Variants in VAMP7 observed in about 807,000 individuals in gnomAD.
VAMP7 encodes vesicle-associated membrane protein 7.
A neutral mutation model predicts 29.6 loss-of-function variants in VAMP7; 14 were observed. That is an observed-to-expected ratio of 0.47 (90% CI 0.31 to 0.74). VAMP7 has a LOEUF of 0.74. Among genes scored for constraint, VAMP7 ranks in the 30% least tolerant of loss-of-function variants. VAMP7 has a pLI of 0.05. For missense variants in VAMP7, 223 were observed against 262.4 expected, an observed-to-expected ratio of 0.85 and a Z score of 1.04; for synonymous variants, 95 against 88.1, an observed-to-expected ratio of 1.08 and a Z score of -0.44.
chrX:155,919,881 G>C lies in VAMP7; in HGVS notation c.501+1G>C, dbSNP rs1159851181. The C allele has an allele frequency of 1.2e-6, 2 of 1,609,876 alleles. No homozygotes were observed. Among genetic ancestry groups the C allele is most frequent in the Non-Finnish European group, 1.7e-6 (2 of 1,176,724 alleles). ...CAAAACAGAAAATCTTGTGGATTCT[G>C]TAAGTATGGAATCTGATAATATGGA... On this transcript the variant is annotated splice_donor_variant, in intron 6 of 7. Transcript: ENST00000286448. LOFTEE classifies it high-confidence loss of function.
intron 2 of VAMP7, 99 bp from the exon 3 acceptor site, chrX:155,895,524 A>G: frequency 2.6e-6 from 2 of 775,856 alleles, no homozygotes; most frequent in Non-Finnish European, 4.5e-6. Flanking sequence ...TAATATGGTG[A>G]CATTGGCAGT....
intron 5 of VAMP7, among the ~76,000 whole-genome samples, chrX:155,912,372 T>C (rs2066249758): frequency 6.6e-6 from 1 of 152,170 alleles, no homozygotes; most frequent in African/African-American, 2.4e-5. Context: ...TCTTTTTTTA[T>C]TATTATACTT....
At chrX:155,932,109 A>T (rs1208533612) in intron 6 of VAMP7, among the ~76,000 whole-genome samples, 1 of 152,152 alleles carries the variant, frequency 6.6e-6, no homozygotes, top group Non-Finnish European at 1.5e-5. Flanking sequence ...TGGTTACTGT[A>T]GCCTTGCAGT....
At chrX:155,898,849 G>C (rs1050402854) in intron 4 of VAMP7, among the ~76,000 whole-genome samples, 2 of 151,994 alleles carry the variant, frequency 1.3e-5, no homozygotes, top group African/African-American at 4.8e-5. Context: ...AGAACTTTCT[G>C]TAAATAGAAT....
Position 155,909,464 on chromosome X carries a change from G to C in VAMP7, c.433+8877G>C, listed in dbSNP as rs185899032. On this transcript the variant is annotated intron_variant, in intron 5 of 7. Transcript: ENST00000286448. The stretch of plus-strand genomic sequence containing the variant: ...TAGATTTTTTTTCTATAGTTTTTCT[G>C]TTCTCTATTTAATTTGTTCACCCTA... Among the ~76,000 whole-genome samples, 281 of 151,902 alleles carry C rather than the reference G, an allele frequency of 1.8e-3. 1 individual carries two copies. The highest frequency in any genetic ancestry group is 6.6e-3 in the African/African-American group (275 of 41,402).
At chrX:155,917,879 C>T (rs1435549626) in intron 5 of VAMP7, among the ~76,000 whole-genome samples, 3 of 152,140 alleles carry the variant, frequency 2.0e-5, no homozygotes, top group South Asian at 2.1e-4. Context: ...CAGGCAGGAA[C>T]GTTTAAGTCT....
At chrX:155,903,351 A>G in intron 5 of VAMP7, among the ~76,000 whole-genome samples, 1 of 152,198 alleles carries the variant, frequency 6.6e-6, no homozygotes, top group Non-Finnish European at 1.5e-5. Context: ...CAAAATTGAC[A>G]AATGCGATCT....
At chrX:155,911,506 G>A (rs1264533635) in intron 5 of VAMP7, among the ~76,000 whole-genome samples, 1 of 152,026 alleles carries the variant, frequency 6.6e-6, no homozygotes, top group Non-Finnish European at 1.5e-5. Flanking sequence ...TTGGTACTTC[G>A]ATAGAGATTG....
chrX:155,908,398 A>G (rs1445049021), intron 5 of VAMP7, among the ~76,000 whole-genome samples: 2 of 152,322 alleles, frequency 1.3e-5, no homozygotes, highest in East Asian at 3.9e-4. Context: ...CTCCACCAAA[A>G]AAATACGAAA....
intron 5 of VAMP7, among the ~76,000 whole-genome samples, chrX:155,911,433 T>C (rs1569442878): frequency 6.6e-6 from 1 of 152,178 alleles, no homozygotes; most frequent in Non-Finnish European, 1.5e-5. Context: ...CTATTTGGAC[T>C]CTTTTTTGGT....
intron 6 of VAMP7, among the ~76,000 whole-genome samples, chrX:155,922,962 CTA>C (rs1381484685): frequency 6.6e-6 from 1 of 151,898 alleles, no homozygotes; most frequent in Non-Finnish European, 1.5e-5. Context: ...AGTTTATTAG[CTA>C]TAGCTCCATT....
At position 155,943,653 on chromosome X, in the gene VAMP7, A is replaced by G. The variant is rs1301011593; in HGVS notation, c.*1702A>G. ...AATTGATGTGCATGTTTTAGGGATC[A>G]ATTACCTAACTGTTCCTTGGTCTAT... is the stretch of plus-strand genomic sequence containing the variant. On this transcript the variant is annotated 3_prime_UTR_variant, in exon 8 of 8. Coordinates refer to ENST00000286448, the MANE Select transcript of VAMP7 (RefSeq NM_005638.6). The G allele has an allele frequency of 6.6e-6, 1 of 152,170 alleles. No individual in the cohort carries two copies. The highest frequency in any genetic ancestry group is 1.9e-4 in the East Asian group (1 of 5,192). 9.4% of individuals were successfully genotyped at this position (152,170 alleles called of 1,614,324 possible).
At chrX:155,918,474 G>A (rs1157228356) in intron 5 of VAMP7, among the ~76,000 whole-genome samples, 2 of 152,138 alleles carry the variant, frequency 1.3e-5, no homozygotes, top group Admixed American at 6.5e-5. Flanking sequence ...TGCAGATTGC[G>A]AAGACTGTGG....
intron 5 of VAMP7, among the ~76,000 whole-genome samples, chrX:155,914,123 A>G (rs190001278): frequency 2.0e-5 from 3 of 152,114 alleles, no homozygotes; most frequent in Non-Finnish European, 4.4e-5. Context: ...CTTTGTAGCA[A>G]TTGTGAATGG....
Position 155,889,472 on chromosome X carries a change from G to T in VAMP7, c.6G>T (p.Ala2=). 1.2e-6 allele frequency: 2 copies of T among 1,613,054 alleles called. No homozygotes were observed. Among genetic ancestry groups the T allele is most frequent in the Non-Finnish European group, 1.7e-6 (2 of 1,179,418 alleles). M[A]ILFAVVARGT... ...CCTTTTGATAGACTGAAGCCATGGC[G>T]ATTCTTTTTGCTGTTGTTGCCAGGG... is the stretch of plus-strand genomic sequence containing the variant. The change falls in exon 2 of 8, where the codon GCG becomes GCT. Residue 2 remains alanine (A), a synonymous_variant. Coordinates refer to ENST00000286448, the MANE Select transcript of VAMP7 (RefSeq NM_005638.6).
intron 6 of VAMP7, among the ~76,000 whole-genome samples, chrX:155,930,605 A>G (rs1256576615): frequency 6.6e-6 from 1 of 151,636 alleles, no homozygotes; most frequent in African/African-American, 2.4e-5. Flanking sequence ...AGCTATGATC[A>G]CACCACTGCA....
intron 2 of VAMP7, among the ~76,000 whole-genome samples, chrX:155,894,301 G>GTTTTTTT (rs1195549080): frequency 4.6e-5 from 3 of 64,874 alleles, no homozygotes; most frequent in Non-Finnish European, 9.7e-5. Context: ...TGTGTCCTTT[G>GTTTTTTT]TTTTTTTTTT....
intron 6 of VAMP7, among the ~76,000 whole-genome samples, chrX:155,936,540 C>A (rs970505717): frequency 4.6e-5 from 7 of 152,302 alleles, no homozygotes; most frequent in Admixed American, 4.6e-4. Context: ...TTGCTAAGAC[C>A]GTTGGAAAAG....
intron 6 of VAMP7, among the ~76,000 whole-genome samples, chrX:155,923,606 TTTTCTC>T (rs2124359937): frequency 6.6e-6 from 1 of 151,940 alleles, no homozygotes; most frequent in East Asian, 1.9e-4. Flanking sequence ...GCTTTAAAGA[TTTTCTC>T]TTTATCATTG....
Sources: gnomAD v4.1 joint callset for allele counts (sites outside exome capture counted in the v4.1 genomes callset) on GRCh38, gnomAD v4.1.1 for gene constraint, MANE v1.5 for transcripts, NCBI Gene and HGNC (gene_info 2026-07-23, HGNC 2026-07-21) for gene names.